SLC39A12: variants seen among roughly 807,000 people sequenced by gnomAD.
SLC39A12 encodes solute carrier family 39 member 12.
Under a neutral mutation model 71.1 loss-of-function variants are expected in SLC39A12, and 63 were observed. That is an observed-to-expected ratio of 0.89 (90% confidence interval 0.72 to 1.09). The LOEUF is 1.09. Among genes scored for constraint, SLC39A12 ranks in the 50% least tolerant of loss-of-function variants. The pLI is 0.00. For missense variants in SLC39A12, 892 were observed against 812.6 expected, an observed-to-expected ratio of 1.10 and a Z score of -1.19; for synonymous variants, 351 against 301.3, an observed-to-expected ratio of 1.16 and a Z score of -1.71.
chr10:18,037,883 G>T (rs1042515568), intron 12 of SLC39A12, among the ~76,000 whole-genome samples: 1 of 151,926 alleles, frequency 6.6e-6, no homozygotes. Context: ...AGCCAGGCAT[G>T]GTGGTGCGTG....
intron 12 of SLC39A12, among the ~76,000 whole-genome samples, chr10:18,037,881 A>G (rs946926916): frequency 4.0e-5 from 6 of 151,728 alleles, no homozygotes; most frequent in South Asian, 2.1e-4. Flanking sequence ...TTAGCCAGGC[A>G]TGGTGGTGCG....
chr10:17,957,060 C>T (rs1329602949), intron 2 of SLC39A12, among the ~76,000 whole-genome samples: 1 of 152,092 alleles, frequency 6.6e-6, no homozygotes, highest in Non-Finnish European at 1.5e-5. Flanking sequence ...TTAAAAGAGA[C>T]TGTCTTCTTT....
chr10:18,037,035 C>G (rs1589261673), intron 12 of SLC39A12, among the ~76,000 whole-genome samples: 1 of 151,750 alleles, frequency 6.6e-6, no homozygotes, highest in Admixed American at 6.6e-5. Context: ...GATCTGCCAG[C>G]CTAGGCCTCC....
intron 6 of SLC39A12, 94 bp downstream of exon 6, chr10:17,981,577 T>A: frequency 9.9e-7 from 1 of 1,005,288 alleles, no homozygotes; most frequent in South Asian, 2.2e-5. Context: ...CAGGCTCTGT[T>A]GTAAACATTT....
chr10:17,956,064 C>T (rs1834539350), intron 2 of SLC39A12, among the ~76,000 whole-genome samples: 2 of 152,140 alleles, frequency 1.3e-5, no homozygotes, highest in Non-Finnish European at 2.9e-5. Context: ...GTGAGGACCA[C>T]ATGGACAAAC....
chr10:17,983,611 G>A (rs1216921731), intron 6 of SLC39A12, among the ~76,000 whole-genome samples: 3 of 152,008 alleles, frequency 2.0e-5, no homozygotes, highest in African/African-American at 4.8e-5. Context: ...GTAAAACCCC[G>A]TCTCTACTAA....
At chr10:18,001,182 AT>A (rs1835824117) in intron 11 of SLC39A12, among the ~76,000 whole-genome samples, 1 of 152,234 alleles carries the variant, frequency 6.6e-6, no homozygotes, top group Non-Finnish European at 1.5e-5. Flanking sequence ...AACTTTATCC[AT>A]CATGTCAGCA....
chr10:18,021,229 C>T (rs988746162), intron 12 of SLC39A12, among the ~76,000 whole-genome samples: 1 of 151,676 alleles, frequency 6.6e-6, no homozygotes, highest in Admixed American at 6.6e-5. Context: ...AATAGAGAGG[C>T]CTTTTCTGCT....
intron 12 of SLC39A12, among the ~76,000 whole-genome samples, chr10:18,024,555 A>T (rs1836622183): frequency 1.3e-5 from 2 of 151,940 alleles, no homozygotes; most frequent in Non-Finnish European, 1.5e-5. Context: ...TTCCTTGATG[A>T]TTCTAAACAT....
At chr10:17,955,656 T>G (rs1440786585) in intron 2 of SLC39A12, among the ~76,000 whole-genome samples, 1 of 152,140 alleles carries the variant, frequency 6.6e-6, no homozygotes, top group Non-Finnish European at 1.5e-5. Flanking sequence ...AAGAGGGAAG[T>G]AGGTATCTTG....
At chr10:18,001,993 T>TA in intron 11 of SLC39A12, 1 of 149,064 alleles carries the variant, frequency 6.7e-6, no homozygotes, top group Middle Eastern at 3.5e-3. Context: ...ACCACCCCAC[T>TA]ACCCTTCCCA....
intron 10 of SLC39A12, among the ~76,000 whole-genome samples, chr10:18,000,105 A>G (rs2095913269): frequency 1.3e-5 from 2 of 152,328 alleles, no homozygotes; most frequent in South Asian, 4.1e-4. Flanking sequence ...GCAAGACAAG[A>G]GCCAACTTTC....
At chr10:17,965,292 T>C (rs1171459289) in intron 3 of SLC39A12, among the ~76,000 whole-genome samples, 191 bp from the exon 4 acceptor site, 2 of 152,172 alleles carry the variant, frequency 1.3e-5, no homozygotes, top group Non-Finnish European at 2.9e-5. Context: ...AGTGCCATGG[T>C]AGATAAACAC....
chr10:18,003,893 A>C (rs541941892), intron 12 of SLC39A12, among the ~76,000 whole-genome samples: 1 of 152,378 alleles, frequency 6.6e-6, no homozygotes, highest in East Asian at 1.9e-4. Flanking sequence ...TTTTTTAAAT[A>C]ATGATTACGT....
intron 4 of SLC39A12, among the ~76,000 whole-genome samples, chr10:17,975,850 T>G (rs556206242): frequency 6.6e-6 from 1 of 152,286 alleles, no homozygotes; most frequent in Non-Finnish European, 1.5e-5. Flanking sequence ...TTCTAACTGC[T>G]AGGATCAGGG....
intron 12 of SLC39A12, among the ~76,000 whole-genome samples, chr10:18,036,790 A>T (rs2357788): frequency 0.64 from 44,394 of 68,996 alleles, 11,971 homozygotes; most frequent in African/African-American, 0.69. Context: ...ATATATATAT[A>T]TATATTTTTT....
chr10:17,993,110 C>T, intron 8 of SLC39A12, 71 bp from the exon 9 acceptor site: 1 of 1,087,554 alleles, frequency 9.2e-7, no homozygotes, highest in Non-Finnish European at 1.3e-6. Flanking sequence ...TGGAATGGAA[C>T]CGTGGCATTG....
At chr10:18,032,125 G>A (rs1365290151) in intron 12 of SLC39A12, among the ~76,000 whole-genome samples, 1 of 116,234 alleles carries the variant, frequency 8.6e-6, no homozygotes, top group Admixed American at 8.8e-5. Context: ...TTGACTTGGC[G>A]ACGCGGGCTC....
chr10:18,008,767 A>G (rs1204567841), intron 12 of SLC39A12: 1 of 152,174 alleles, frequency 6.6e-6, no homozygotes, highest in Non-Finnish European at 1.5e-5. Flanking sequence ...ATAATTTGGT[A>G]CTGTTTCTCT....
Sources: gnomAD v4.1 joint callset for allele counts (sites outside exome capture counted in the v4.1 genomes callset) on GRCh38, gnomAD v4.1.1 for gene constraint, MANE v1.5 for transcripts, NCBI Gene and HGNC (gene_info 2026-07-23, HGNC 2026-07-21) for gene names.